Variants in TNFAIP6 observed in about 807,000 individuals in gnomAD.
The protein encoded by TNFAIP6 is TNF alpha induced protein 6, also known as tumor necrosis factor-inducible gene 6 protein.
Under a neutral mutation model 33.7 loss-of-function variants are expected in TNFAIP6, and 36 were observed. The observed-to-expected ratio is 1.07, with a 90% confidence interval of 0.82 to 1.41. The LOEUF (loss-of-function observed/expected upper bound fraction) is 1.41, where lower values mean the gene tolerates loss of function less well. TNFAIP6 is among the 40% of genes most tolerant of loss of function. TNFAIP6 has a pLI of 0.00. For missense variants in TNFAIP6, 273 were observed against 331.9 expected (o/e 0.82, Z 1.38); for synonymous variants, 113 against 112.8 (o/e 1.00, Z -0.01).
chr2:151,376,680 A>G (rs900394818), intron 5 of TNFAIP6, among the ~76,000 whole-genome samples: 3 of 152,028 alleles, frequency 2.0e-5, no homozygotes, highest in Admixed American at 2.0e-4. Context: ...CTAATAGGTC[A>G]CTGTATGGAT....
Position 151,366,161 on chromosome 2 carries a change from A to AT in TNFAIP6, c.339dup (p.Gly114TrpfsTer6), listed in dbSNP as rs772196769. 1.5e-5 allele frequency: 24 copies of AT among 1,614,158 alleles called. No individual in the cohort carries two copies. The Admixed American group carries it at 4.0e-4, about 27-fold the overall frequency. On this transcript the variant is annotated frameshift_variant, in exon 3 of 6. Transcript: ENST00000243347. LOFTEE classifies it high-confidence loss of function. ...TTTGGAAAAACTGGCATTATTGATT[A>AT]TGGAATCCGTCTCAATAGGAGTGAA...
chr2:151,360,773 CA>C (rs1430242836), intron 1 of TNFAIP6, among the ~76,000 whole-genome samples: 2 of 152,028 alleles, frequency 1.3e-5, no homozygotes, highest in Non-Finnish European at 2.9e-5. Flanking sequence ...GAAATTATAA[CA>C]AAAATTTTTT....
At chr2:151,362,881 A>G (rs1018485132) in intron 1 of TNFAIP6, among the ~76,000 whole-genome samples, 4 of 152,180 alleles carry the variant, frequency 2.6e-5, no homozygotes, top group Non-Finnish European at 2.9e-5. Flanking sequence ...TAATGGATCC[A>G]TCTTCACTAG....
At chr2:151,378,700 G>A (rs1573788401) in intron 5 of TNFAIP6, among the ~76,000 whole-genome samples, 1 of 151,696 alleles carries the variant, frequency 6.6e-6, no homozygotes, top group South Asian at 2.1e-4. Context: ...TGTTGGTCAG[G>A]CTGGTATGGA....
At chr2:151,364,150 C>A in intron 2 of TNFAIP6, 70 bp downstream of exon 2, 3 of 1,533,494 alleles carry the variant, frequency 2.0e-6, no homozygotes, top group Non-Finnish European at 2.6e-6. Context: ...TTCCTAAGCC[C>A]TAGTAAGACT....
chr2:151,358,496 T>A (rs530334313), intron 1 of TNFAIP6, among the ~76,000 whole-genome samples: 2 of 152,316 alleles, frequency 1.3e-5, no homozygotes, highest in African/African-American at 2.4e-5. Context: ...GATTACAGTA[T>A]GCTAAACAAT....
At chr2:151,375,185 A>G (rs941954635) in intron 5 of TNFAIP6, among the ~76,000 whole-genome samples, 1 of 151,736 alleles carries the variant, frequency 6.6e-6, no homozygotes, top group African/African-American at 2.4e-5. Context: ...TCTAAAGTAG[A>G]CAACTTACTC....
rs965594926 is a variant in TNFAIP6, at chr2:151,366,076, G to A, written c.253G>A (p.Gly85Arg). 1.2e-6 allele frequency: 2 copies of A among 1,613,958 alleles called. No individual in the cohort carries two copies. Among genetic ancestry groups the A allele is most frequent in the African/African-American group, 2.7e-5 (2 of 74,912 alleles). ...TGCAGGATTTCATGTCTGTGCTGCT[G>A]GATGGATGGCTAAGGGCAGAGTTGG... ...RKIGFHVCAA[G>R]WMAKGRVGYP... The change falls in exon 3 of 6, where the codon GGA becomes AGA. Residue 85 changes from glycine (G) to arginine (R), a missense_variant. Transcript: ENST00000243347.
At chr2:151,359,489 C>A (rs531755011) in intron 1 of TNFAIP6, among the ~76,000 whole-genome samples, 1 of 150,794 alleles carries the variant, frequency 6.6e-6, no homozygotes, top group Admixed American at 6.6e-5. Flanking sequence ...CCCAGGTTCA[C>A]GCCATTCTCC....
chr2:151,360,134 C>T (rs1193819013), intron 1 of TNFAIP6, among the ~76,000 whole-genome samples: 1 of 151,902 alleles, frequency 6.6e-6, no homozygotes, highest in Non-Finnish European at 1.5e-5. Flanking sequence ...TCTGTCTCTA[C>T]CAAAAAAAAC....
rs1684980203 is a variant in TNFAIP6 at position 151,379,584 on chromosome 2, T to C, written c.*51T>C. 7.6e-7 allele frequency: 1 copy of C among 1,308,102 alleles called. No individual in the cohort carries two copies. Among genetic ancestry groups the C allele is most frequent in the Non-Finnish European group, 1.0e-6 (1 of 973,396 alleles). The allele number at this position is 1,308,102 out of a possible 1,614,324, so 81.0% of individuals were successfully genotyped here. A position where few individuals can be genotyped will look rare whatever the true frequency, so the allele number is the denominator to read the frequency against. On this transcript the variant is annotated 3_prime_UTR_variant, in exon 6 of 6. Transcript: ENST00000243347. ...ACACAGTGTTTATGTTGGAATCTTT[T>C]GGAACTCCTTTGATCTCACTGTTAT...
At chr2:151,374,297 G>A (rs1323182311) in intron 5 of TNFAIP6, among the ~76,000 whole-genome samples, 8 of 151,820 alleles carry the variant, frequency 5.3e-5, no homozygotes, top group Admixed American at 1.3e-4. Context: ...CCCTGTAGTC[G>A]CATAAATTTA....
At chr2:151,366,593 A>G (rs1157197823) in intron 3 of TNFAIP6, among the ~76,000 whole-genome samples, 1 of 152,224 alleles carries the variant, frequency 6.6e-6, no homozygotes, top group Non-Finnish European at 1.5e-5. Flanking sequence ...AGAAAATAAA[A>G]AAGCAGATTA....
At chr2:151,380,401 T>C (rs988053989), downstream of TNFAIP6, among the ~76,000 whole-genome samples, 2 of 152,224 alleles carry the variant, frequency 1.3e-5, no homozygotes, top group African/African-American at 2.4e-5. Flanking sequence ...ATATCAAATG[T>C]TAAAATTTAT....
At chr2:151,378,991 T>G (rs977702688) in intron 5 of TNFAIP6, among the ~76,000 whole-genome samples, 1 of 151,742 alleles carries the variant, frequency 6.6e-6, no homozygotes, top group Non-Finnish European at 1.5e-5. Context: ...TCCCAGCTAC[T>G]CGGGAGGCTG....
intron 3 of TNFAIP6, 123 bp from the exon 4 acceptor site, chr2:151,369,897 T>G: frequency 1.5e-6 from 1 of 687,334 alleles, no homozygotes; most frequent in South Asian, 1.9e-5. Context: ...CCATAGATGC[T>G]GTATACTAAG....
At chr2:151,364,753 T>C (rs958048978) in intron 2 of TNFAIP6, among the ~76,000 whole-genome samples, 1 of 152,206 alleles carries the variant, frequency 6.6e-6, no homozygotes, top group Non-Finnish European at 1.5e-5. Flanking sequence ...AGAACTCCTT[T>C]GCTGACTGGA....
At chr2:151,363,327 A>T (rs1009628600) in intron 1 of TNFAIP6, among the ~76,000 whole-genome samples, 72 of 151,536 alleles carry the variant, frequency 4.8e-4, no homozygotes, top group African/African-American at 1.7e-3. Context: ...ATACAAAATT[A>T]AAAAAAATGA....
intron 1 of TNFAIP6, 146 bp from the exon 2 acceptor site, chr2:151,363,797 G>T: frequency 1.2e-6 from 1 of 854,778 alleles, no homozygotes; most frequent in South Asian, 2.7e-5. Flanking sequence ...TCCTAACAGT[G>T]AAAACTTAGC....
Sources: gnomAD v4.1 joint callset for allele counts (sites outside exome capture counted in the v4.1 genomes callset) on GRCh38, gnomAD v4.1.1 for gene constraint, MANE v1.5 for transcripts, NCBI Gene and HGNC (gene_info 2026-07-23, HGNC 2026-07-21) for gene names.